The following POU6F2 variants were observed in gnomAD, a reference collection of about 807,000 sequenced individuals.
The protein encoded by POU6F2 is POU domain, class 6, transcription factor 2.
Under a neutral mutation model 71.3 loss-of-function variants are expected in POU6F2, and 31 were observed. That is an observed-to-expected ratio of 0.43 (90% confidence interval 0.33 to 0.59). POU6F2 has a LOEUF of 0.59. Among genes scored for constraint, POU6F2 ranks in the 20% least tolerant of loss-of-function variants. POU6F2 has a pLI of 0.04. For missense variants in POU6F2, 783 were observed against 856.8 expected, an observed-to-expected ratio of 0.91 and a Z score of 1.07; for synonymous variants, 347 against 355.7, an observed-to-expected ratio of 0.98 and a Z score of 0.27.
At chr7:39,383,389 T>C (rs1786869961) in intron 5 of POU6F2, among the ~76,000 whole-genome samples, 1 of 152,146 alleles carries the variant, frequency 6.6e-6, no homozygotes, top group Non-Finnish European at 1.5e-5. Flanking sequence ...AGAACCTCAG[T>C]CTGAATCACC....
At chr7:39,351,321 C>T (rs1353984423) in intron 5 of POU6F2, among the ~76,000 whole-genome samples, 1 of 152,194 alleles carries the variant, frequency 6.6e-6, no homozygotes, top group African/African-American at 2.4e-5. Context: ...CTACCCCTCC[C>T]CAGATTCACA....
At chr7:39,117,100 G>A (rs996125222) in intron 2 of POU6F2, among the ~76,000 whole-genome samples, 1 of 152,074 alleles carries the variant, frequency 6.6e-6, no homozygotes, top group Non-Finnish European at 1.5e-5. Context: ...TTGAAAGATA[G>A]GTATGTTTCA....
intron 4 of POU6F2, among the ~76,000 whole-genome samples, chr7:39,226,476 C>T (rs1389089411): frequency 6.6e-6 from 1 of 152,130 alleles, no homozygotes; most frequent in East Asian, 1.9e-4. Flanking sequence ...ACAATCTAAC[C>T]ACACATTTAA....
At chr7:39,149,282 T>C (rs978142369) in intron 2 of POU6F2, among the ~76,000 whole-genome samples, 6 of 152,244 alleles carry the variant, frequency 3.9e-5, no homozygotes, top group Non-Finnish European at 7.3e-5. Context: ...AGAGGTTCAG[T>C]CTATATCCAG....
At chr7:39,260,009 CACCAT>C (rs1275702696) in intron 4 of POU6F2, among the ~76,000 whole-genome samples, 1 of 99,792 alleles carries the variant, frequency 1.0e-5, no homozygotes, top group Non-Finnish European at 2.2e-5. Context: ...CACCACACCA[CACCAT>C]ACCATGCTCA....
In POU6F2 at chr7:39,009,678, T is replaced by C. The variant is rs139143208; in HGVS notation, c.105+31620T>C. On this transcript the variant is annotated intron_variant, in intron 1 of 9. Transcript: ENST00000518318. ...GTGGGTTTATCATAGACAGCTCTTA[T>C]TATTTTGAAATACGTCCCATCAATA... Among the ~76,000 whole-genome samples, 1,520 of 152,280 alleles carry C rather than the reference T, an allele frequency of 1.0e-2. 30 individuals carry two copies. The highest frequency in any genetic ancestry group is 0.034 in the African/African-American group (1,421 of 41,528).
intron 6 of POU6F2, among the ~76,000 whole-genome samples, chr7:39,418,779 G>A (rs1787746268): frequency 6.6e-6 from 1 of 151,118 alleles, no homozygotes; most frequent in Non-Finnish European, 1.5e-5. Flanking sequence ...CCCAGATCTG[G>A]CTGCTTTGAA....
At chr7:39,048,318 A>G (rs372650938) in intron 1 of POU6F2, among the ~76,000 whole-genome samples, 8 of 150,306 alleles carry the variant, frequency 5.3e-5, no homozygotes, top group African/African-American at 1.5e-4. Context: ...GGTAATAAGC[A>G]TATTACCTGA....
chr7:38,985,608 A>C (rs1001378033), intron 1 of POU6F2, among the ~76,000 whole-genome samples: 4 of 152,248 alleles, frequency 2.6e-5, no homozygotes, highest in Non-Finnish European at 4.4e-5. Context: ...AAAATAAGAG[A>C]TTTTGTGAAA....
chr7:39,103,918 T>C (rs560229299), intron 2 of POU6F2, among the ~76,000 whole-genome samples: 1 of 152,224 alleles, frequency 6.6e-6, no homozygotes, highest in East Asian at 1.9e-4. Flanking sequence ...AAAAGAGTTA[T>C]GTCCAGCTAT....
chr7:39,139,288 C>T (rs368167651), intron 2 of POU6F2, among the ~76,000 whole-genome samples: 7 of 152,046 alleles, frequency 4.6e-5, no homozygotes, highest in African/African-American at 1.4e-4. Context: ...TTGAGAAAAC[C>T]GCCTTTGCCC....
chr7:39,044,759 G>GA (rs1416810320), intron 1 of POU6F2, among the ~76,000 whole-genome samples: 2 of 151,788 alleles, frequency 1.3e-5, no homozygotes, highest in Admixed American at 6.6e-5. Flanking sequence ...TTTTTTTGCA[G>GA]AAAAAACATG....
At chr7:39,016,764 A>C (rs546377121) in intron 1 of POU6F2, among the ~76,000 whole-genome samples, 4 of 152,036 alleles carry the variant, frequency 2.6e-5, no homozygotes, top group Admixed American at 2.6e-4. Flanking sequence ...GTGTAGGTCA[A>C]GACGGCGTTA....
chr7:39,424,544 G>T (rs962815588), intron 6 of POU6F2, among the ~76,000 whole-genome samples: 7 of 152,104 alleles, frequency 4.6e-5, no homozygotes, highest in Non-Finnish European at 2.9e-5. Context: ...CCTAGACACC[G>T]ATTGCTGCCC....
chr7:39,050,969 T>C (rs992348047), intron 1 of POU6F2, among the ~76,000 whole-genome samples: 1 of 152,128 alleles, frequency 6.6e-6, no homozygotes, highest in African/African-American at 2.4e-5. Flanking sequence ...GGAGAAAATA[T>C]TTGGTGACTT....
At chr7:39,278,706 CTG>C (rs1194995805) in intron 4 of POU6F2, among the ~76,000 whole-genome samples, 3 of 152,262 alleles carry the variant, frequency 2.0e-5, no homozygotes, top group Middle Eastern at 3.4e-3. Flanking sequence ...GCCAGCAGCT[CTG>C]TGTCTGTGCC....
intron 1 of POU6F2, among the ~76,000 whole-genome samples, chr7:39,052,107 C>G (rs1790411464): frequency 6.6e-6 from 1 of 152,092 alleles, no homozygotes; most frequent in Non-Finnish European, 1.5e-5. Flanking sequence ...TTTGGAGAGC[C>G]TTGGAACAAC....
chr7:39,370,923 A>C (rs564418111), intron 5 of POU6F2, among the ~76,000 whole-genome samples: 1 of 152,190 alleles, frequency 6.6e-6, no homozygotes, highest in African/African-American at 2.4e-5. Context: ...CTTAAAATAA[A>C]TACATCTCCT....
chr7:39,310,310 A>G (rs1785138317), intron 4 of POU6F2, among the ~76,000 whole-genome samples: 1 of 152,236 alleles, frequency 6.6e-6, no homozygotes, highest in African/African-American at 2.4e-5. Flanking sequence ...CGTTATACAC[A>G]CTTAGGAAAT....
Sources: allele counts gnomAD v4.1 joint callset (sites outside exome capture counted in the v4.1 genomes callset), GRCh38; gene constraint gnomAD v4.1.1; transcripts MANE v1.5; gene names NCBI Gene and HGNC (gene_info 2026-07-23, HGNC 2026-07-21).